ERAP1: variants seen among roughly 807,000 people sequenced by gnomAD.
ERAP1 encodes adipocyte-derived leucine aminopeptidase.
A neutral mutation model predicts 103.7 loss-of-function variants in ERAP1; 86 were observed. The observed-to-expected ratio is 0.83, with a 90% CI of 0.70 to 0.99. The LOEUF is 0.99. Among genes scored for constraint, ERAP1 ranks in the 50% least tolerant of loss-of-function variants. The pLI is 0.00. For synonymous variants in ERAP1, 398 were observed against 402.4 expected (o/e 0.99, Z 0.13); for missense variants, 1,009 against 1,128.4 (o/e 0.89, Z 1.52).
chr5:96,787,329 G>A (rs995299598), intron 11 of ERAP1, among the ~76,000 whole-genome samples: 4 of 152,044 alleles, frequency 2.6e-5, no homozygotes, highest in African/African-American at 9.7e-5. Flanking sequence ...GCAGTGGTGC[G>A]ATCTCGGCTC....
At chr5:96,914,148 T>TCACACACACACACACACACACACA in the ERAP1 span, among the ~76,000 whole-genome samples, 57 of 148,076 alleles carry the variant, frequency 3.8e-4, 1 homozygote, top group East Asian at 6.0e-3. Context: ...TCTCTCTCTC[T>TCACACACACACACACACACACACA]CACACACACA....
At chr5:96,928,493 G>A in the ERAP1 span, among the ~76,000 whole-genome samples, 1 of 152,190 alleles carries the variant, frequency 6.6e-6, no homozygotes, top group East Asian at 1.9e-4. Flanking sequence ...TGTGAACACT[G>A]GAGTTACTTG....
chr5:96,773,126 A>T (rs1773061447), downstream of ERAP1: 1 of 153,800 alleles, frequency 6.5e-6, no homozygotes, highest in South Asian at 2.1e-4. Context: ...TTGCTTTGGG[A>T]TAATGTTTAT....
At chr5:96,917,400 T>G in the ERAP1 span, 1 of 1,487,254 alleles carries the variant, frequency 6.7e-7, no homozygotes, top group East Asian at 2.5e-5. Context: ...GGATTACAGG[T>G]GTGAACCACC....
At chr5:96,894,995 T>C in the ERAP1 span, among the ~76,000 whole-genome samples, 1 of 151,486 alleles carries the variant, frequency 6.6e-6, no homozygotes, top group Non-Finnish European at 1.5e-5. Context: ...GCAGATAGAA[T>C]GAAAGTCGAA....
chr5:96,907,594 C>T, the ERAP1 span, among the ~76,000 whole-genome samples: 1 of 149,542 alleles, frequency 6.7e-6, no homozygotes, highest in African/African-American at 2.5e-5. Context: ...TTTAATACGG[C>T]AGACTAGCCG....
At chr5:96,911,672 G>A in the ERAP1 span, among the ~76,000 whole-genome samples, 3 of 151,736 alleles carry the variant, frequency 2.0e-5, no homozygotes, top group Admixed American at 2.0e-4. Flanking sequence ...AGGAATTTGA[G>A]ACCAGCCTTG....
At chr5:96,904,610 T>G in the ERAP1 span, among the ~76,000 whole-genome samples, 1 of 152,200 alleles carries the variant, frequency 6.6e-6, no homozygotes, top group African/African-American at 2.4e-5. Context: ...GCATGAAAGG[T>G]GAGCTAAGAA....
the ERAP1 span, among the ~76,000 whole-genome samples, chr5:96,850,516 A>G: frequency 2.1e-4 from 32 of 152,312 alleles, 1 homozygote; most frequent in South Asian, 6.6e-3. Flanking sequence ...CTTGATCAAA[A>G]TGCAAATCAA....
rs941219281 is a variant in ERAP1 at position 96,786,104 on chromosome 5, C to A, written c.1760-133G>T. On this transcript the variant is annotated intron_variant, in intron 12 of 18. Coordinates refer to ENST00000443439, the MANE Select transcript of ERAP1 (RefSeq NM_001040458.3). ...ATTTGAAAACATCACTTATTTCTCT[C>A]AGAAACCAGAAAACAGCAACTCAAT... 4.9e-6 allele frequency: 4 copies of A among 816,494 alleles called. No homozygotes were observed. The Admixed American group carries it at 6.5e-5, about 13-fold the overall frequency. 50.6% of individuals were successfully genotyped at this position (816,494 alleles called of 1,614,324 possible). A position where few individuals can be genotyped will look rare whatever the true frequency, so the allele number is the denominator to read the frequency against.
chr5:96,909,134 GA>G, the ERAP1 span: 8 of 1,611,640 alleles, frequency 5.0e-6, 1 homozygote, highest in Admixed American at 3.3e-5. Flanking sequence ...GTTGCTTTTA[GA>G]AAATGTATTA....
downstream of ERAP1, chr5:96,771,709 T>A: frequency 6.3e-7 from 1 of 1,584,212 alleles, no homozygotes; most frequent in South Asian, 1.1e-5. Flanking sequence ...TCTGGTAAGT[T>A]GGGTGTTTAT....
the ERAP1 span, among the ~76,000 whole-genome samples, chr5:96,933,236 G>A: frequency 1.1e-4 from 2 of 17,890 alleles, no homozygotes; most frequent in Admixed American, 5.1e-4. Context: ...TTTTTTTTTT[G>A]AGATGGAGTC....
intron 4 of ERAP1, 40 bp from the exon 5 acceptor site, chr5:96,795,202 C>T: frequency 6.2e-7 from 1 of 1,609,414 alleles, no homozygotes; most frequent in African/African-American, 1.3e-5. Flanking sequence ...AATATCTTAA[C>T]TGGCTTCTCT....
At chr5:96,874,128 AAGAG>A in the ERAP1 span, among the ~76,000 whole-genome samples, 11 of 127,732 alleles carry the variant, frequency 8.6e-5, no homozygotes, top group African/African-American at 3.0e-4. Flanking sequence ...GAAAGAAAGA[AAGAG>A]AGAGAGAAAG....
the ERAP1 span, among the ~76,000 whole-genome samples, chr5:96,906,170 G>C: frequency 7.5e-6 from 1 of 133,072 alleles, no homozygotes; most frequent in African/African-American, 2.9e-5. Flanking sequence ...TCTTAACCAC[G>C]ACACGACACT....
In ERAP1 at chr5:96,803,547, C is replaced by A. The variant is rs26653; in HGVS notation, c.380G>T (p.Arg127Leu). 1.9e-6 allele frequency: 3 copies of A among 1,613,444 alleles called. No individual in the cohort carries two copies. The highest frequency in any genetic ancestry group is 2.5e-6 in the Non-Finnish European group (3 of 1,179,602). ...EEPLQVLEHP[R>L]QEQIALLAPE... The stretch of plus-strand genomic sequence containing the variant: ...AGCCAGCAGTGCAATTTGCTCCTGA[C>A]GGGGGTGTTCCAGGACCTGCAGGGG... The change falls in exon 2 of 19, where the codon CGT becomes CTT. Residue 127 changes from arginine (R) to leucine (L), a missense_variant. Transcript: ENST00000443439.
the ERAP1 span, chr5:96,889,540 T>C: frequency 8.7e-6 from 6 of 691,144 alleles, no homozygotes; most frequent in South Asian, 1.0e-4. Context: ...CGTTAACATA[T>C]CTGCATCGAA....
At position 96,788,531 on chromosome 5, in the gene ERAP1, C is replaced by T; in HGVS notation, c.1679G>A (p.Gly560Glu). ...ACAAATTTTACTCTAGGAGCATTAC[C>T]CAGTGTCCGGGGCGCCGTCAGAGCC... is the stretch of plus-strand genomic sequence containing the variant. ...MKGSDGAPDTGYLWHVPLTFI... is the reference protein window; with the variant it reads ...MKGSDGAPDTEYLWHVPLTFI... The change falls in exon 11 of 19, where the codon GGG becomes GAG. Residue 560 changes from glycine (G) to glutamate (E), a missense_variant and splice_region_variant. Physicochemically the swap from Gly to Glu is moderately conservative, Grantham distance 98. Transcript: ENST00000443439. 1 of 1,614,064 alleles carries T rather than the reference C, an allele frequency of 6.2e-7. No individual in the cohort carries two copies. Among genetic ancestry groups the T allele is most frequent in the Non-Finnish European group, 8.5e-7 (1 of 1,180,022 alleles).
Sources: gnomAD v4.1 joint callset for allele counts (sites outside exome capture counted in the v4.1 genomes callset) on GRCh38, gnomAD v4.1.1 for gene constraint, MANE v1.5 for transcripts, NCBI Gene and HGNC (gene_info 2026-07-23, HGNC 2026-07-21) for gene names.